The following BRMS1L variants were observed in gnomAD, a reference collection of about 807,000 sequenced individuals.
The protein encoded by BRMS1L is BRMS1 like transcriptional repressor.
In BRMS1L, 23 loss-of-function variants were observed where a neutral mutation model predicts 50.3. The observed-to-expected ratio is 0.46, with a 90% CI of 0.33 to 0.65. The LOEUF (loss-of-function observed/expected upper bound fraction) is 0.65, where lower values mean the gene tolerates loss of function less well. Ranked by LOEUF, BRMS1L falls within the 30% of genes least tolerant of loss-of-function variation. The pLI is 0.02. For synonymous variants in BRMS1L, 114 were observed against 126.9 expected, an observed-to-expected ratio of 0.90 and a Z score of 0.69; for missense variants, 286 against 386.1, an observed-to-expected ratio of 0.74 and a Z score of 2.17.
At chr14:35,852,862 C>G (rs377350194) in intron 4 of BRMS1L, among the ~76,000 whole-genome samples, 1 of 151,740 alleles carries the variant, frequency 6.6e-6, no homozygotes, top group South Asian at 2.1e-4. Flanking sequence ...ACCCGGGAGG[C>G]GAAGCTTGCA....
chr14:35,866,036 C>T, intron 8 of BRMS1L: 1 of 345,604 alleles, frequency 2.9e-6, no homozygotes. Context: ...TTTTTATGGG[C>T]TCTGTCATTC....
chr14:35,862,761 C>T, intron 5 of BRMS1L, 75 bp downstream of exon 5: 1 of 843,526 alleles, frequency 1.2e-6, no homozygotes, highest in Non-Finnish European at 1.8e-6. Flanking sequence ...TATCGTATCT[C>T]AGTCTTCTAA....
At chr14:35,849,943 C>A (rs944648793) in intron 4 of BRMS1L, among the ~76,000 whole-genome samples, 1 of 151,702 alleles carries the variant, frequency 6.6e-6, no homozygotes. Flanking sequence ...CCCCAGCCTC[C>A]CCAGTAGCTG....
At chr14:35,830,412 GGCTGGCGCAAT>G (rs1407357379) in intron 1 of BRMS1L, among the ~76,000 whole-genome samples, 1 of 151,872 alleles carries the variant, frequency 6.6e-6, no homozygotes, top group Non-Finnish European at 1.5e-5. Flanking sequence ...CTGTTGCCCA[GGCTGGCGCAAT>G]CTTGGCTCAC....
At chr14:35,833,202 A>G (rs1195750637) in intron 3 of BRMS1L, 97 bp downstream of exon 3, 1 of 1,262,282 alleles carries the variant, frequency 7.9e-7, no homozygotes, top group African/African-American at 1.5e-5. Flanking sequence ...TGATGGGATT[A>G]CAAGCATATT....
chr14:35,868,804 A>G (rs1321015489), intron 9 of BRMS1L, among the ~76,000 whole-genome samples: 1 of 152,168 alleles, frequency 6.6e-6, no homozygotes. Context: ...ACAAACAACA[A>G]CAACAACACA....
chr14:35,871,214 C>G lies in BRMS1L; in HGVS notation c.*737C>G, dbSNP rs1213912363. 1 of 152,370 alleles carries G rather than the reference C, an allele frequency of 6.6e-6. No homozygotes were observed. Among genetic ancestry groups the G allele is most frequent in the Admixed American group, 6.6e-5 (1 of 15,236 alleles). The allele number at this position is 152,370 out of a possible 1,614,324, so 9.4% of individuals were successfully genotyped here. A position where few individuals can be genotyped will look rare whatever the true frequency, so the allele number is the denominator to read the frequency against. On this transcript the variant is annotated 3_prime_UTR_variant, in exon 10 of 10. Transcript: ENST00000216807. The stretch of plus-strand genomic sequence containing the variant: ...ACCCTTTAGCGGCAGGTATTTATAC[C>G]TGGTATTTATGATGCAGTATATAAG...
intron 4 of BRMS1L, among the ~76,000 whole-genome samples, chr14:35,838,844 T>G (rs1285526391): frequency 6.6e-6 from 1 of 152,222 alleles, no homozygotes; most frequent in Non-Finnish European, 1.5e-5. Flanking sequence ...GATGATAGTT[T>G]CTTTTGCTCT....
chr14:35,842,921 T>G (rs2078085707), intron 4 of BRMS1L, among the ~76,000 whole-genome samples: 1 of 152,230 alleles, frequency 6.6e-6, no homozygotes, highest in African/African-American at 2.4e-5. Flanking sequence ...TTTTATTTCA[T>G]TAAGTTGATC....
intron 8 of BRMS1L, among the ~76,000 whole-genome samples, chr14:35,866,695 C>T (rs2078426667): frequency 6.6e-6 from 1 of 152,064 alleles, no homozygotes; most frequent in African/African-American, 2.4e-5. Flanking sequence ...AGGATTCCAT[C>T]TCTAAGAAAA....
chr14:35,843,387 G>T (rs1369957691), intron 4 of BRMS1L, among the ~76,000 whole-genome samples: 1 of 152,154 alleles, frequency 6.6e-6, no homozygotes, highest in Non-Finnish European at 1.5e-5. Context: ...TTTTGTTGAT[G>T]TTGATGCTAT....
At chr14:35,832,900 AAAT>A in intron 2 of BRMS1L, 75 bp from the exon 3 acceptor site, 1 of 1,311,872 alleles carries the variant, frequency 7.6e-7, no homozygotes, top group Non-Finnish European at 1.1e-6. Flanking sequence ...TATTGGGAAC[AAAT>A]AATGTATAGA....
chr14:35,870,175 G>T (rs1429977872), intron 9 of BRMS1L, among the ~76,000 whole-genome samples, 185 bp from the exon 10 acceptor site: 1 of 151,972 alleles, frequency 6.6e-6, no homozygotes, highest in East Asian at 1.9e-4. Context: ...ATGATCTGCT[G>T]TGTTGCTGAA....
chr14:35,855,608 C>A (rs766478847), intron 4 of BRMS1L, among the ~76,000 whole-genome samples: 1 of 152,078 alleles, frequency 6.6e-6, no homozygotes, highest in African/African-American at 2.4e-5. Flanking sequence ...ACCGAAATTT[C>A]TTCTATTAAT....
In BRMS1L at chr14:35,837,548, C is replaced by A. The variant is rs193262083; in HGVS notation, c.441+2625C>A. Among the ~76,000 whole-genome samples the A allele has an allele frequency of 1.3e-3, 195 of 152,026 alleles. 1 individual carries two copies. The highest frequency in any genetic ancestry group is 1.5e-4 in the Non-Finnish European group (10 of 67,980). ...TGTGACTTGATACTCTTACTTTGCT[C>A]TTTTTCTTCTTCTTTTTTTTGAGGC... On this transcript the variant is annotated intron_variant, in intron 4 of 9. Coordinates refer to ENST00000216807, the MANE Select transcript of BRMS1L (RefSeq NM_032352.4).
rs550928187 is a variant in BRMS1L, at chr14:35,867,115, G to T, written c.728-791G>T. ...TGAATGAATGAATGAATGAATGAAT[G>T]AATATACCCGATGGTATTTTAGGCC... On this transcript the variant is annotated intron_variant, in intron 8 of 9. Coordinates refer to ENST00000216807, the MANE Select transcript of BRMS1L (RefSeq NM_032352.4). 7.2e-5 allele frequency among the ~76,000 whole-genome samples: 11 copies of T among 152,244 alleles called. No homozygotes were observed. In the South Asian group the frequency reaches 1.5e-3, roughly 20 times the overall value.
intron 4 of BRMS1L, among the ~76,000 whole-genome samples, chr14:35,841,558 A>C (rs375378976): frequency 6.4e-4 from 97 of 152,198 alleles, no homozygotes; most frequent in Non-Finnish European, 1.3e-3. Flanking sequence ...TGGCCTCCCA[A>C]ACTGCTGGGA....
chr14:35,871,729 C>T lies in BRMS1L; in HGVS notation c.*1252C>T, dbSNP rs2078494329. 1 of 152,768 alleles carries T rather than the reference C, an allele frequency of 6.5e-6. No individual in the cohort carries two copies. The highest frequency in any genetic ancestry group is 1.5e-5 in the Non-Finnish European group (1 of 68,018). 9.5% of individuals were successfully genotyped at this position (152,768 alleles called of 1,614,324 possible). ...ATTATTTTACCTCTCCAAACATCTT[C>T]CTGTGCAGATCACTACTTCATAGTT... On this transcript the variant is annotated 3_prime_UTR_variant, in exon 10 of 10. Transcript: ENST00000216807.
chr14:35,853,014 C>CTATATATA (rs548749568), intron 4 of BRMS1L, among the ~76,000 whole-genome samples: 2 of 150,526 alleles, frequency 1.3e-5, no homozygotes, highest in African/African-American at 5.0e-5. Context: ...ATCTATCTAT[C>CTATATATA]TATATATAGA....
Sources: gnomAD v4.1 joint callset for allele counts (sites outside exome capture counted in the v4.1 genomes callset) on GRCh38, gnomAD v4.1.1 for gene constraint, MANE v1.5 for transcripts, NCBI Gene and HGNC (gene_info 2026-07-23, HGNC 2026-07-21) for gene names.